The following PTPRT variants were observed in gnomAD, a reference collection of about 807,000 sequenced individuals.
PTPRT encodes protein tyrosine phosphatase receptor type T.
A neutral mutation model predicts 176.8 loss-of-function variants in PTPRT; 56 were observed. That is an observed-to-expected ratio of 0.32 (90% CI 0.26 to 0.40). The LOEUF (loss-of-function observed/expected upper bound fraction) is 0.40, where lower values mean the gene tolerates loss of function less well. Ranked by LOEUF, PTPRT falls within the 10% of genes least tolerant of loss-of-function variation. The probability of loss-of-function intolerance (pLI) is 1.00; values close to 1 mark genes in which losing one functional copy is unlikely to be tolerated. For missense variants in PTPRT, 1,540 were observed against 1,908.2 expected (o/e 0.81, Z 3.60); for synonymous variants, 783 against 739.0 (o/e 1.06, Z -0.96).
intron 8 of PTPRT, among the ~76,000 whole-genome samples, chr20:42,465,693 A>C (rs1308429105): frequency 1.3e-5 from 2 of 152,224 alleles, no homozygotes; most frequent in African/African-American, 4.8e-5. Flanking sequence ...TGTGGATTGG[A>C]ATAGTGAAAA....
chr20:42,450,749 G>C (rs1453486232), intron 8 of PTPRT, among the ~76,000 whole-genome samples: 1 of 152,098 alleles, frequency 6.6e-6, no homozygotes, highest in Non-Finnish European at 1.5e-5. Flanking sequence ...TATTTAATAT[G>C]ATGAAGGGAC....
the PTPRT span, among the ~76,000 whole-genome samples, chr20:42,057,511 C>T: frequency 2.0e-5 from 3 of 152,298 alleles, no homozygotes; most frequent in East Asian, 3.9e-4. Flanking sequence ...ATTAGATGAA[C>T]TCTAAGACAT....
intron 9 of PTPRT, among the ~76,000 whole-genome samples, chr20:42,446,502 C>A (rs2070734431): frequency 6.6e-6 from 1 of 151,806 alleles, no homozygotes. Context: ...AGTAACTTAA[C>A]TTCCTAAATC....
At chr20:43,133,642 G>T (rs1470560670) in intron 1 of PTPRT, among the ~76,000 whole-genome samples, 1 of 152,032 alleles carries the variant, frequency 6.6e-6, no homozygotes, top group Admixed American at 6.5e-5. Context: ...CAGCTACCCG[G>T]GAGGCTGAGG....
intron 9 of PTPRT, among the ~76,000 whole-genome samples, chr20:42,353,205 G>A (rs1415450825): frequency 6.6e-6 from 1 of 152,206 alleles, no homozygotes; most frequent in African/African-American, 2.4e-5. Flanking sequence ...TCCAGGTAGA[G>A]CGTCCCGATG....
intron 16 of PTPRT, among the ~76,000 whole-genome samples, chr20:42,171,513 G>A (rs569818291): frequency 1.3e-5 from 2 of 152,246 alleles, no homozygotes; most frequent in South Asian, 2.1e-4. Context: ...TATTCAATGT[G>A]TACTATTTCA....
At chr20:42,205,192 G>A (rs961990703) in intron 15 of PTPRT, among the ~76,000 whole-genome samples, 1 of 151,966 alleles carries the variant, frequency 6.6e-6, no homozygotes, top group African/African-American at 2.4e-5. Context: ...GAACTGCTTA[G>A]GTCTCTTTTG....
At chr20:42,761,225 G>A (rs540858800) in intron 5 of PTPRT, among the ~76,000 whole-genome samples, 1 of 152,154 alleles carries the variant, frequency 6.6e-6, no homozygotes, top group South Asian at 2.1e-4. Context: ...ACCTGAGGTA[G>A]GGAGTTCAAG....
At chr20:42,748,080 C>T (rs1435550800) in intron 6 of PTPRT, among the ~76,000 whole-genome samples, 1 of 151,304 alleles carries the variant, frequency 6.6e-6, no homozygotes, top group Admixed American at 6.6e-5. Context: ...TGGCACATAA[C>T]CCATGCTCAT....
chr20:42,659,615 GC>G (rs2145996072), intron 7 of PTPRT, among the ~76,000 whole-genome samples: 1 of 152,320 alleles, frequency 6.6e-6, no homozygotes, highest in South Asian at 2.1e-4. Flanking sequence ...TTGGTCAAAT[GC>G]TTTGGGGTGG....
At chr20:43,095,746 T>C (rs1162470156) in intron 1 of PTPRT, among the ~76,000 whole-genome samples, 8 of 148,808 alleles carry the variant, frequency 5.4e-5, no homozygotes, top group Admixed American at 5.3e-4. Flanking sequence ...TGCTCTTTTC[T>C]CCCTCTCCTT....
intron 26 of PTPRT, among the ~76,000 whole-genome samples, chr20:42,101,779 A>G (rs369717528): frequency 6.6e-6 from 1 of 152,256 alleles, no homozygotes; most frequent in East Asian, 1.9e-4. Context: ...GGCCCAGCAC[A>G]GAAAATACCT....
At chr20:43,065,364 G>T (rs2011104311) in intron 1 of PTPRT, among the ~76,000 whole-genome samples, 3 of 152,158 alleles carry the variant, frequency 2.0e-5, no homozygotes, top group South Asian at 2.1e-4. Context: ...CCTGAAAGTG[G>T]TATTTGTACA....
At chr20:42,262,952 A>G (rs949758838) in intron 13 of PTPRT, among the ~76,000 whole-genome samples, 6 of 152,186 alleles carry the variant, frequency 3.9e-5, no homozygotes, top group African/African-American at 1.4e-4. Flanking sequence ...GCAGAGATCA[A>G]ACTGTCTGAA....
chr20:42,710,540 A>T (rs1047750398), intron 6 of PTPRT, among the ~76,000 whole-genome samples: 2 of 152,254 alleles, frequency 1.3e-5, no homozygotes, highest in African/African-American at 4.8e-5. Flanking sequence ...AGTGCACAGA[A>T]TGCAGGCTTT....
At chr20:42,844,218 G>GTAAT (rs1263131332) in intron 2 of PTPRT, among the ~76,000 whole-genome samples, 1 of 152,208 alleles carries the variant, frequency 6.6e-6, no homozygotes, top group African/African-American at 2.4e-5. Flanking sequence ...TGCAGTCACA[G>GTAAT]TAATAATAGG....
intron 7 of PTPRT, among the ~76,000 whole-genome samples, chr20:42,616,974 T>C (rs1349829080): frequency 7.5e-6 from 1 of 133,482 alleles, no homozygotes. Flanking sequence ...TCCAACACTA[T>C]GTTGAATAGG....
intron 1 of PTPRT, among the ~76,000 whole-genome samples, chr20:42,949,618 G>C (rs2146012181): frequency 6.6e-6 from 1 of 152,314 alleles, no homozygotes; most frequent in Non-Finnish European, 1.5e-5. Context: ...AAACATTATG[G>C]AGTGGAGACA....
At chr20:42,537,387 G>A (rs1043112534) in intron 7 of PTPRT, among the ~76,000 whole-genome samples, 1 of 152,256 alleles carries the variant, frequency 6.6e-6, no homozygotes. Flanking sequence ...TAATCTGTCA[G>A]GTGTTGACTC....
Sources: allele counts gnomAD v4.1 joint callset (sites outside exome capture counted in the v4.1 genomes callset), GRCh38; gene constraint gnomAD v4.1.1; transcripts MANE v1.5; gene names NCBI Gene and HGNC (gene_info 2026-07-23, HGNC 2026-07-21).